The following COMTD1 variants were observed in gnomAD, a reference collection of about 807,000 sequenced individuals.
The protein encoded by COMTD1 is catechol-O-methyltransferase domain containing 1, also known as catechol O-methyltransferase domain-containing protein 1.
COMTD1 carries 35 observed loss-of-function variants against 33.6 expected under a neutral mutation model. That is an observed-to-expected ratio of 1.04 (90% CI 0.80 to 1.38). COMTD1 has a LOEUF of 1.38. Among genes scored for constraint, COMTD1 ranks in the 40% most tolerant of loss-of-function variants. The pLI is 0.00. For synonymous variants in COMTD1, 160 were observed against 176.8 expected (o/e 0.91, Z 0.75); for missense variants, 370 against 363.4 (o/e 1.02, Z -0.15).
intron 5 of COMTD1, 51 bp downstream of exon 5, chr10:75,234,887 A>T (rs1260565349): frequency 6.5e-7 from 1 of 1,534,692 alleles, no homozygotes; most frequent in African/African-American, 1.4e-5. Flanking sequence ...GCCACACAGC[A>T]GCCTCGTTTG....
rs1421115298 is a variant in COMTD1 at position 75,233,783 on chromosome 10, A to G, written c.*290T>C. ...CGAGGTGCTGGGGTCTCTGGCCATT[A>G]CACGTGGCCAGGCCAGTTAAAACTT... On this transcript the variant is annotated 3_prime_UTR_variant, in exon 7 of 7. Transcript: ENST00000372538. Among the ~76,000 whole-genome samples, 1 of 152,194 alleles carries G rather than the reference A, an allele frequency of 6.6e-6. No homozygotes were observed. The highest frequency in any genetic ancestry group is 1.5e-5 in the Non-Finnish European group (1 of 68,028).
chr10:75,235,014 C>G, intron 4 of COMTD1, 22 bp from the exon 5 acceptor site: 1 of 1,494,360 alleles, frequency 6.7e-7, no homozygotes, highest in Non-Finnish European at 8.9e-7. Context: ...GCGGGTCAGC[C>G]GTTGCGCCCC....
At chr10:75,235,797 G>GGGGGCCCCCCCCCCCCCC in intron 1 of COMTD1, 38 bp downstream of exon 1, 2 of 1,538,652 alleles carry the variant, frequency 1.3e-6, no homozygotes, top group Non-Finnish European at 1.8e-6. Flanking sequence ...CCTACTCTGC[G>GGGGGCCCCCCCCCCCCCC]CCCGCCCACC....
intron 2 of COMTD1, 67 bp from the exon 3 acceptor site, chr10:75,235,439 C>A: frequency 7.3e-7 from 1 of 1,369,244 alleles, no homozygotes; most frequent in Non-Finnish European, 9.7e-7. Flanking sequence ...GGTCCCAAGC[C>A]CCAGGGGCGC....
Position 75,234,162 on chromosome 10 carries a change from T to G in COMTD1, c.700A>C (p.Asn234His). Residue 234 changes from asparagine (N) to histidine (H), a missense_variant, in exon 7 of 7, where the codon AAC (asparagine) becomes CAC (histidine). Coordinates refer to ENST00000372538, the MANE Select transcript of COMTD1 (RefSeq NM_144589.4). The part of the protein sequence containing the change: ...KGDVAAECVR[N>H]LNERIRRDVR... Reference sequence around the variant, plus strand: ...TCCCGCCGGATGCGTTCGTTTAGGTTTCGCACACACTCGGCCGCCACGTCC... The same window carrying G: ...TCCCGCCGGATGCGTTCGTTTAGGTGTCGCACACACTCGGCCGCCACGTCC... 3 of 1,613,700 alleles carry G rather than the reference T, an allele frequency of 1.9e-6. No individual in the cohort carries two copies. Among genetic ancestry groups the G allele is most frequent in the Non-Finnish European group, 2.5e-6 (3 of 1,180,016 alleles).
chr10:75,235,007 G>C lies in COMTD1; in HGVS notation c.448-15C>G. 6.7e-7 allele frequency: 1 copy of C among 1,498,452 alleles called. No homozygotes were observed. The allele number at this position is 1,498,452 out of a possible 1,614,324, so 92.8% of individuals were successfully genotyped here. A position where few individuals can be genotyped will look rare whatever the true frequency, so the allele number is the denominator to read the frequency against. On this transcript the variant is annotated splice_polypyrimidine_tract_variant and intron_variant, in intron 4 of 6. Coordinates refer to ENST00000372538, the MANE Select transcript of COMTD1 (RefSeq NM_144589.4). ...TCCGCCTCGGCCTGCGGAGGGAGCG[G>C]GTCAGCCGTTGCGCCCCCGCCTGGG...
chr10:75,233,891 C>A lies in COMTD1; in HGVS notation c.*182G>T. 1 of 1,434,150 alleles carries A rather than the reference C, an allele frequency of 7.0e-7. No homozygotes were observed. Among genetic ancestry groups the A allele is most frequent in the African/African-American group, 1.4e-5 (1 of 69,932 alleles). The allele number at this position is 1,434,150 out of a possible 1,614,324, so 88.8% of individuals were successfully genotyped here. A position where few individuals can be genotyped will look rare whatever the true frequency, so the allele number is the denominator to read the frequency against. On this transcript the variant is annotated 3_prime_UTR_variant, in exon 7 of 7. Coordinates refer to ENST00000372538, the MANE Select transcript of COMTD1 (RefSeq NM_144589.4). ...AGGGAGGGGACGAATCTCAAGGCCC[C>A]TTTCACTGAAGGCAGGAGCTGTCTG...
chr10:75,234,535 T>C (rs962604832), intron 6 of COMTD1, 75 bp downstream of exon 6: 12 of 1,495,336 alleles, frequency 8.0e-6, no homozygotes, highest in Non-Finnish European at 1.1e-5. Context: ...CTTTGGGGTA[T>C]AAGAGGAGTC....
chr10:75,235,793 C>T lies in COMTD1; in HGVS notation c.94+42G>A, dbSNP rs574629591. 6.7e-5 allele frequency: 104 copies of T among 1,548,772 alleles called. No individual in the cohort carries two copies. In the African/African-American group the frequency reaches 1.4e-3, roughly 21 times the overall value. ...AACCTGAGCCACGCCGCGCCCTACT[C>T]TGCGCCCGCCCACCCGCCCGCCGGG... is the stretch of plus-strand genomic sequence containing the variant. On this transcript the variant is annotated intron_variant, in intron 1 of 6. Transcript: ENST00000372538.
chr10:75,234,296 G>A (rs1842153705), intron 6 of COMTD1, 71 bp from the exon 7 acceptor site: 5 of 1,502,300 alleles, frequency 3.3e-6, no homozygotes, highest in Non-Finnish European at 3.6e-6. Flanking sequence ...GCGGAAGGCG[G>A]GGGACTGGGA....
Position 75,233,904 on chromosome 10 carries a change from C to G in COMTD1, c.*169G>C. 2.1e-6 allele frequency: 3 copies of G among 1,463,306 alleles called. No individual in the cohort carries two copies. Among genetic ancestry groups the G allele is most frequent in the Non-Finnish European group, 2.7e-6 (3 of 1,109,098 alleles). 90.6% of individuals were successfully genotyped at this position (1,463,306 alleles called of 1,614,324 possible). On this transcript the variant is annotated 3_prime_UTR_variant, in exon 7 of 7. Transcript: ENST00000372538. The stretch of plus-strand genomic sequence containing the variant: ...ATCTCAAGGCCCCTTTCACTGAAGG[C>G]AGGAGCTGTCTGTGCTGGGCCTTCC...
Position 75,235,145 on chromosome 10 carries a change from GCC to G in COMTD1, c.360_361del (p.Ala121ProfsTer179). 1 of 1,402,362 alleles carries G rather than the reference GCC, an allele frequency of 7.1e-7. No homozygotes were observed. The highest frequency in any genetic ancestry group is 9.2e-7 in the Non-Finnish European group (1 of 1,085,532). The allele number at this position is 1,402,362 out of a possible 1,614,324, so 86.9% of individuals were successfully genotyped here. A position where few individuals can be genotyped will look rare whatever the true frequency, so the allele number is the denominator to read the frequency against. ...GCGCCCGTCCGCGGGCAGCGCCAGGGCCAGGGCCAGGGCGGAGTAGCCCGTGA... is the reference window on the plus strand; with the variant it reads ...GCGCCCGTCCGCGGGCAGCGCCAGGGAGGGCCAGGGCGGAGTAGCCCGTGA... On this transcript the variant is annotated frameshift_variant, in exon 4 of 7. Transcript: ENST00000372538. LOFTEE classifies it high-confidence loss of function.
chr10:75,234,071 C>T lies in COMTD1; in HGVS notation c.*2G>A. 6.2e-7 allele frequency: 1 copy of T among 1,614,014 alleles called. No individual in the cohort carries two copies. The highest frequency in any genetic ancestry group is 8.5e-7 in the Non-Finnish European group (1 of 1,180,038). ...CTCGAGCCCACTCACTAGGGGCCAGCCCTAGATCTTGAAGGCCAAGGTGAG... is the reference window on the plus strand; with the variant it reads ...CTCGAGCCCACTCACTAGGGGCCAGTCCTAGATCTTGAAGGCCAAGGTGAG... On this transcript the variant is annotated 3_prime_UTR_variant, in exon 7 of 7. Transcript: ENST00000372538.
Position 75,234,129 on chromosome 10 carries a change from C to A in COMTD1, c.733G>T (p.Val245Phe), listed in dbSNP as rs1340184281. The change falls in exon 7 of 7, where the codon GTC becomes TTC. Residue 245 changes from valine to phenylalanine, a missense_variant. Coordinates refer to ENST00000372538, the MANE Select transcript of COMTD1 (RefSeq NM_144589.4). ...LNERIRRDVR[V>F]YISLLPLGDG... ...CCCAGGGGCAGGAGGCTGATGTAGA[C>A]CCTGACGTCCCGCCGGATGCGTTCG... is the stretch of plus-strand genomic sequence containing the variant. 1.2e-6 allele frequency: 2 copies of A among 1,613,880 alleles called. No individual in the cohort carries two copies. Among genetic ancestry groups the A allele is most frequent in the Admixed American group, 1.7e-5 (1 of 60,026 alleles).
Position 75,233,695 on chromosome 10 carries a change from C to T in COMTD1, c.*378G>A, listed in dbSNP as rs764781548. The stretch of plus-strand genomic sequence containing the variant: ...ACACCAGACGTGGCTCTCTACCAGT[C>T]CCAGCTGCTCAGAACCAGAGCTTCG... On this transcript the variant is annotated 3_prime_UTR_variant, in exon 7 of 7. Coordinates refer to ENST00000372538, the MANE Select transcript of COMTD1 (RefSeq NM_144589.4). 2.6e-5 allele frequency among the ~76,000 whole-genome samples: 4 copies of T among 152,264 alleles called. No homozygotes were observed. Among genetic ancestry groups the T allele is most frequent in the Admixed American group, 6.5e-5 (1 of 15,290 alleles).
rs1842177788 is a variant in COMTD1 at position 75,235,484 on chromosome 10, G to A, written c.223-112C>T. 3.7e-6 allele frequency: 5 copies of A among 1,363,024 alleles called. No individual in the cohort carries two copies. In the East Asian group the frequency reaches 1.3e-4, roughly 36 times the overall value. The allele number at this position is 1,363,024 out of a possible 1,614,324, so 84.4% of individuals were successfully genotyped here. ...CGTGGCCTGGGGGACTGGCCCTTCG[G>A]AACGCCCACCGCACCCGGCCCAGGG... On this transcript the variant is annotated intron_variant, in intron 2 of 6. Coordinates refer to ENST00000372538, the MANE Select transcript of COMTD1 (RefSeq NM_144589.4).
At position 75,235,006 on chromosome 10, in the gene COMTD1, G is replaced by C. The variant is rs766202686; in HGVS notation, c.448-14C>G. 26 of 1,498,516 alleles carry C rather than the reference G, an allele frequency of 1.7e-5. No homozygotes were observed. The South Asian group carries it at 3.2e-4, about 18-fold the overall frequency. The allele number at this position is 1,498,516 out of a possible 1,614,324, so 92.8% of individuals were successfully genotyped here. On this transcript the variant is annotated splice_polypyrimidine_tract_variant and intron_variant, in intron 4 of 6. Transcript: ENST00000372538. ...CTCCGCCTCGGCCTGCGGAGGGAGC[G>C]GGTCAGCCGTTGCGCCCCCGCCTGG... is the stretch of plus-strand genomic sequence containing the variant.
chr10:75,234,417 G>T, intron 6 of COMTD1, 192 bp from the exon 7 acceptor site: 1 of 1,062,720 alleles, frequency 9.4e-7, no homozygotes, highest in Non-Finnish European at 1.3e-6. Context: ...GGAGGTGCCC[G>T]GGCAGGAGGT....
chr10:75,235,797 G>GGGGCGC, intron 1 of COMTD1, 38 bp downstream of exon 1: 1 of 1,538,660 alleles, frequency 6.5e-7, no homozygotes, highest in Non-Finnish European at 8.8e-7. Context: ...CCTACTCTGC[G>GGGGCGC]CCCGCCCACC....
Sources: gnomAD v4.1 joint callset for allele counts (sites outside exome capture counted in the v4.1 genomes callset) on GRCh38, gnomAD v4.1.1 for gene constraint, MANE v1.5 for transcripts, NCBI Gene and HGNC (gene_info 2026-07-23, HGNC 2026-07-21) for gene names.